Variants in AGBL4 observed in about 807,000 individuals in gnomAD.
AGBL4 encodes AGBL carboxypeptidase 4, also known as cytosolic carboxypeptidase 6.
Under a neutral mutation model 66.4 loss-of-function variants are expected in AGBL4, and 58 were observed. That is an observed-to-expected ratio of 0.87 (90% CI 0.71 to 1.09). AGBL4 has a LOEUF of 1.09. AGBL4 is among the 50% of genes least tolerant of loss of function. The probability of loss-of-function intolerance (pLI) is 0.00; values close to 1 mark genes in which losing one functional copy is unlikely to be tolerated. For missense variants in AGBL4, 579 were observed against 631.0 expected (o/e 0.92, Z 0.88); for synonymous variants, 234 against 222.9 (o/e 1.05, Z -0.44).
At chr1:48,561,786 C>T (rs1476644478) in intron 11 of AGBL4, among the ~76,000 whole-genome samples, 1 of 152,136 alleles carries the variant, frequency 6.6e-6, no homozygotes, top group African/African-American at 2.4e-5. Context: ...TGTTGACTTT[C>T]AGATTGGAAC....
At chr1:49,618,673 AG>A (rs1216363177) in intron 3 of AGBL4, among the ~76,000 whole-genome samples, 1 of 152,188 alleles carries the variant, frequency 6.6e-6, no homozygotes, top group Non-Finnish European at 1.5e-5. Context: ...ACAAAAAAAG[AG>A]TATTTCAGGC....
chr1:49,653,083 C>G (rs1646042397), intron 3 of AGBL4, among the ~76,000 whole-genome samples: 1 of 152,070 alleles, frequency 6.6e-6, no homozygotes, highest in African/African-American at 2.4e-5. Flanking sequence ...AGGTCAGTGA[C>G]CCTCTGAGAC....
intron 4 of AGBL4, among the ~76,000 whole-genome samples, chr1:49,087,848 G>T (rs983523567): frequency 1.6e-4 from 25 of 152,272 alleles, no homozygotes; most frequent in African/African-American, 5.8e-4. Flanking sequence ...GAAGGGGCAG[G>T]TCACCTAGAA....
intron 2 of AGBL4, among the ~76,000 whole-genome samples, chr1:49,773,124 G>A (rs1644108084): frequency 6.6e-6 from 1 of 152,026 alleles, no homozygotes; most frequent in Admixed American, 6.6e-5. Context: ...ATTGTTGACG[G>A]TCTCCATTGT....
intron 6 of AGBL4, among the ~76,000 whole-genome samples, chr1:48,793,825 GCGGGTATAAAGT>G (rs1459589241): frequency 1.3e-5 from 2 of 152,168 alleles, no homozygotes; most frequent in Non-Finnish European, 2.9e-5. Context: ...CCTTTTCAAA[GCGGGTATAAAGT>G]CATCAGTTAG....
chr1:49,318,641 G>A (rs1645080740), intron 3 of AGBL4, among the ~76,000 whole-genome samples: 1 of 151,976 alleles, frequency 6.6e-6, no homozygotes, highest in African/African-American at 2.4e-5. Flanking sequence ...AATAAAGCAG[G>A]CTTATAAGAT....
At chr1:49,203,493 G>C (rs1390531121) in intron 4 of AGBL4, among the ~76,000 whole-genome samples, 1 of 152,126 alleles carries the variant, frequency 6.6e-6, no homozygotes, top group Admixed American at 6.5e-5. Flanking sequence ...TTGAGGACAT[G>C]GTAAGTGAAG....
rs530720773 is a variant in AGBL4 at position 49,804,373 on chromosome 1, A to G, written c.157+47023T>C. Among the ~76,000 whole-genome samples, 4 of 152,272 alleles carry G rather than the reference A, an allele frequency of 2.6e-5. No individual in the cohort carries two copies. The East Asian group carries it at 7.7e-4, about 29-fold the overall frequency. Reference sequence around the variant, plus strand: ...CTTTCAATGTGTCCCAGGGAAGCCAAAAGGTTGGACATCTCCAGTGTAAGC... The same window carrying G: ...CTTTCAATGTGTCCCAGGGAAGCCAGAAGGTTGGACATCTCCAGTGTAAGC... On this transcript the variant is annotated intron_variant, in intron 2 of 13. Transcript: ENST00000371839.
At chr1:48,669,886 G>A (rs1251971217) in intron 6 of AGBL4, among the ~76,000 whole-genome samples, 11 of 152,192 alleles carry the variant, frequency 7.2e-5, no homozygotes, top group Admixed American at 6.5e-4. Context: ...TTCAGTTCCC[G>A]ACTCGTTAGC....
At chr1:49,194,496 A>T (rs1647186917) in intron 4 of AGBL4, among the ~76,000 whole-genome samples, 1 of 152,186 alleles carries the variant, frequency 6.6e-6, no homozygotes, top group Non-Finnish European at 1.5e-5. Flanking sequence ...TAAGTGGATG[A>T]TTTAATCCAT....
intron 4 of AGBL4, among the ~76,000 whole-genome samples, chr1:49,240,858 A>C (rs1047130309): frequency 6.6e-6 from 1 of 152,010 alleles, no homozygotes; most frequent in East Asian, 2.0e-4. Context: ...TTCCCAGGCT[A>C]AACTCATCAT....
At chr1:49,284,634 C>A (rs189047527) in intron 3 of AGBL4, among the ~76,000 whole-genome samples, 1 of 152,178 alleles carries the variant, frequency 6.6e-6, no homozygotes, top group African/African-American at 2.4e-5. Context: ...ACCCATCTCA[C>A]GTGCAGAGAC....
intron 2 of AGBL4, among the ~76,000 whole-genome samples, chr1:49,840,705 A>G (rs571254455): frequency 6.6e-6 from 1 of 152,332 alleles, no homozygotes; most frequent in Admixed American, 6.5e-5. Context: ...GGATGAAGTC[A>G]ATAAGTGTTA....
At chr1:49,328,784 C>A (rs961356313) in intron 3 of AGBL4, among the ~76,000 whole-genome samples, 2 of 152,240 alleles carry the variant, frequency 1.3e-5, no homozygotes, top group Admixed American at 6.5e-5. Context: ...CCCTCCCCAA[C>A]AAACCAACTC....
chr1:49,129,564 T>C (rs1318104767), intron 4 of AGBL4, among the ~76,000 whole-genome samples: 1 of 151,040 alleles, frequency 6.6e-6, no homozygotes, highest in Non-Finnish European at 1.5e-5. Context: ...ACATGCGGTG[T>C]TTGGTTTTTT....
chr1:48,881,077 C>T (rs1649735984), intron 5 of AGBL4, among the ~76,000 whole-genome samples: 1 of 152,016 alleles, frequency 6.6e-6, no homozygotes, highest in African/African-American at 2.4e-5. Flanking sequence ...ATTTGGGTAA[C>T]ATAGGTAAGA....
intron 1 of AGBL4, among the ~76,000 whole-genome samples, chr1:49,936,506 G>A (rs961976772): frequency 5.3e-5 from 8 of 152,194 alleles, no homozygotes; most frequent in South Asian, 4.2e-4. Context: ...GATACTCCTC[G>A]AGAAGAGCAA....
chr1:49,777,314 T>C (rs554719329), intron 2 of AGBL4, among the ~76,000 whole-genome samples: 20 of 152,296 alleles, frequency 1.3e-4, no homozygotes, highest in Non-Finnish European at 2.6e-4. Context: ...AACAGTACTT[T>C]TGTAGAAATG....
Position 48,534,121 on chromosome 1 carries a change from A to C in AGBL4, c.*52T>G. 4.5e-6 allele frequency: 7 copies of C among 1,551,054 alleles called. No homozygotes were observed. The highest frequency in any genetic ancestry group is 6.1e-6 in the Non-Finnish European group (7 of 1,146,512). ...AGAAGAGTGATTAATTTCATTCCCCAGCAGAAAATGCATGCTCCTGTCCCC... is the reference window on the plus strand; with the variant it reads ...AGAAGAGTGATTAATTTCATTCCCCCGCAGAAAATGCATGCTCCTGTCCCC... On this transcript the variant is annotated 3_prime_UTR_variant, in exon 14 of 14. Transcript: ENST00000371839.
Sources: allele counts gnomAD v4.1 joint callset (sites outside exome capture counted in the v4.1 genomes callset), GRCh38; gene constraint gnomAD v4.1.1; transcripts MANE v1.5; gene names NCBI Gene and HGNC (gene_info 2026-07-23, HGNC 2026-07-21).